STAG1: variants seen among roughly 807,000 people sequenced by gnomAD.
STAG1 encodes the protein STAG1 cohesin complex component, also known as cohesin subunit SA-1.
Under a neutral mutation model 170.9 loss-of-function variants are expected in STAG1, and 26 were observed. The ratio of observed to expected loss-of-function variants is 0.15; its 90% CI spans 0.11 to 0.21. STAG1 has a LOEUF of 0.21. Among genes scored for constraint, STAG1 ranks in the 10% least tolerant of loss-of-function variants. The probability of loss-of-function intolerance (pLI) is 1.00; values close to 1 mark genes in which losing one functional copy is unlikely to be tolerated. For missense variants in STAG1, 964 were observed against 1,509.5 expected, an observed-to-expected ratio of 0.64 and a Z score of 5.99; for synonymous variants, 514 against 497.7, an observed-to-expected ratio of 1.03 and a Z score of -0.44.
intron 1 of STAG1, among the ~76,000 whole-genome samples, chr3:136,696,344 C>A (rs1188219794): frequency 1.3e-5 from 2 of 152,052 alleles, no homozygotes; most frequent in Admixed American, 1.3e-4. Context: ...CTCCTTGGCC[C>A]CTTGACTCCA....
chr3:136,587,168 T>TA (rs758067073), intron 4 of STAG1, among the ~76,000 whole-genome samples: 4,188 of 143,596 alleles, frequency 0.029, 177 homozygotes, highest in African/African-American at 0.098. Flanking sequence ...CTAATTATGT[T>TA]AAAAAAAAAA....
intron 3 of STAG1, among the ~76,000 whole-genome samples, chr3:136,604,776 G>C (rs772536790): frequency 5.5e-4 from 83 of 151,962 alleles, no homozygotes; most frequent in Non-Finnish European, 3.4e-4. Context: ...TCAGCCTCCC[G>C]AGTAGCTGAG....
chr3:136,457,386 A>G (rs746405187), intron 13 of STAG1, among the ~76,000 whole-genome samples: 30 of 152,182 alleles, frequency 2.0e-4, no homozygotes, highest in Admixed American at 9.8e-4. Flanking sequence ...ACTGTCACAG[A>G]TAACGCTTGA....
chr3:136,463,770 TACACACACACACAC>T, intron 13 of STAG1, among the ~76,000 whole-genome samples: 1 of 126,398 alleles, frequency 7.9e-6, no homozygotes, highest in South Asian at 2.6e-4. Flanking sequence ...TGTGTGTGTA[TACACACACACACAC>T]ACACACATAT....
At chr3:136,465,076 A>G (rs1208457544) in intron 12 of STAG1, 88 bp from the exon 13 acceptor site, 2 of 931,434 alleles carry the variant, frequency 2.1e-6, no homozygotes, top group South Asian at 3.8e-5. Flanking sequence ...GTTCATTATA[A>G]AGCTCAAGAC....
At chr3:136,610,980 C>T (rs1939246217) in intron 3 of STAG1, among the ~76,000 whole-genome samples, 1 of 152,050 alleles carries the variant, frequency 6.6e-6, no homozygotes. Context: ...TTGAGTACCC[C>T]TTATCTGAAA....
intron 6 of STAG1, among the ~76,000 whole-genome samples, chr3:136,524,580 C>G (rs917626299): frequency 1.3e-5 from 2 of 152,112 alleles, no homozygotes; most frequent in African/African-American, 4.8e-5. Context: ...AATTGAATAC[C>G]CTTTATTTCT....
chr3:136,584,852 T>A (rs1937730322), intron 4 of STAG1, among the ~76,000 whole-genome samples: 2 of 152,230 alleles, frequency 1.3e-5, no homozygotes, highest in Non-Finnish European at 2.9e-5. Flanking sequence ...GCAAACAGCA[T>A]GACATCTATA....
intron 6 of STAG1, among the ~76,000 whole-genome samples, chr3:136,537,931 C>T (rs1341687199): frequency 1.3e-5 from 2 of 152,222 alleles, no homozygotes; most frequent in African/African-American, 2.4e-5. Flanking sequence ...ACTCCTTGCA[C>T]GCATTCATCT....
At chr3:136,470,902 A>G (rs141920626) in intron 12 of STAG1, among the ~76,000 whole-genome samples, 106 of 149,526 alleles carry the variant, frequency 7.1e-4, no homozygotes, top group African/African-American at 2.5e-3. Flanking sequence ...CAAACACTGC[A>G]TGTTCTCACT....
chr3:136,493,202 G>A (rs1194513014), intron 9 of STAG1, among the ~76,000 whole-genome samples: 1 of 152,046 alleles, frequency 6.6e-6, no homozygotes, highest in East Asian at 1.9e-4. Context: ...AATTAACCAG[G>A]TATGGTAGTG....
chr3:136,652,034 C>A (rs1379424360), intron 1 of STAG1, among the ~76,000 whole-genome samples: 1 of 152,166 alleles, frequency 6.6e-6, no homozygotes, highest in Non-Finnish European at 1.5e-5. Flanking sequence ...AGAAAGATCA[C>A]AGGAAAGTCT....
intron 16 of STAG1, among the ~76,000 whole-genome samples, chr3:136,427,815 T>C (rs2088177014): frequency 6.6e-6 from 1 of 152,206 alleles, no homozygotes; most frequent in Non-Finnish European, 1.5e-5. Flanking sequence ...TATACTCATA[T>C]GATTTTAAAA....
intron 10 of STAG1, among the ~76,000 whole-genome samples, chr3:136,476,382 G>C (rs1202297616): frequency 6.6e-6 from 1 of 152,164 alleles, no homozygotes; most frequent in African/African-American, 2.4e-5. Context: ...CAAGGGGGGT[G>C]GGAACACAAT....
intron 6 of STAG1, among the ~76,000 whole-genome samples, chr3:136,535,825 A>G (rs961401460): frequency 1.3e-5 from 2 of 152,186 alleles, no homozygotes; most frequent in Non-Finnish European, 2.9e-5. Flanking sequence ...TGTACCCCAT[A>G]AAAATGTGAA....
chr3:136,497,292 T>TA (rs1212789837), intron 9 of STAG1, among the ~76,000 whole-genome samples: 1 of 152,122 alleles, frequency 6.6e-6, no homozygotes, highest in Non-Finnish European at 1.5e-5. Context: ...AAAATAAAGT[T>TA]AGAGCTATTT....
At chr3:136,742,143 A>AAAC (rs375118957) in intron 1 of STAG1, among the ~76,000 whole-genome samples, 1 of 152,204 alleles carries the variant, frequency 6.6e-6, no homozygotes, top group East Asian at 1.9e-4. Context: ...GAATGAGACA[A>AAAC]AACAACAACA....
intron 5 of STAG1, among the ~76,000 whole-genome samples, chr3:136,543,599 CAT>C (rs1489077601): frequency 6.6e-6 from 1 of 152,098 alleles, no homozygotes; most frequent in African/African-American, 2.4e-5. Context: ...TAGAGTAAGA[CAT>C]AGTAGGGTTT....
rs576498277 is a variant in STAG1, at chr3:136,513,552, A to C, written c.676+7661T>G. 1.8e-4 allele frequency among the ~76,000 whole-genome samples: 28 copies of C among 152,280 alleles called. No homozygotes were observed. In the Middle Eastern group the frequency reaches 0.01, roughly 55 times the overall value. On this transcript the variant is annotated intron_variant, in intron 7 of 33. Coordinates refer to ENST00000383202, the MANE Select transcript of STAG1 (RefSeq NM_005862.3). ...CAGTAACAAACAAAAAAATCTGCAA[A>C]GCTTCCAAAGACAAGAAACAGGATC...
Sources: gnomAD v4.1 joint callset for allele counts (sites outside exome capture counted in the v4.1 genomes callset) on GRCh38, gnomAD v4.1.1 for gene constraint, MANE v1.5 for transcripts, NCBI Gene and HGNC (gene_info 2026-07-23, HGNC 2026-07-21) for gene names.